Variants in FBXL5 observed in about 807,000 individuals in gnomAD.
The protein encoded by FBXL5 is F-box and leucine rich repeat protein 5.
Under a neutral mutation model 78.3 loss-of-function variants are expected in FBXL5, and 26 were observed. The ratio of observed to expected loss-of-function variants is 0.33; its 90% CI spans 0.24 to 0.46. The LOEUF (loss-of-function observed/expected upper bound fraction) is 0.46. Ranked by LOEUF, FBXL5 falls within the 20% of genes least tolerant of loss-of-function variation. The pLI is 1.00. For synonymous variants in FBXL5, 295 were observed against 282.5 expected, an observed-to-expected ratio of 1.04 and a Z score of -0.45; for missense variants, 710 against 829.2, an observed-to-expected ratio of 0.86 and a Z score of 1.77.
At chr4:15,655,183 G>A in intron 1 of FBXL5, 21 bp downstream of exon 1, 2 of 1,386,068 alleles carry the variant, frequency 1.4e-6, no homozygotes, top group South Asian at 1.4e-5. Context: ...GCCCACAGCG[G>A]GAGGCTCAGC....
At chr4:15,642,399 A>AT (rs1316215366) in intron 2 of FBXL5, among the ~76,000 whole-genome samples, 5 of 151,796 alleles carry the variant, frequency 3.3e-5, no homozygotes, top group African/African-American at 1.2e-4. Flanking sequence ...CTCCCAGCTA[A>AT]TTTTTTTGGT....
chr4:15,664,293 G>A (rs1717438393), upstream of FBXL5, among the ~76,000 whole-genome samples: 2 of 151,876 alleles, frequency 1.3e-5, no homozygotes, highest in Non-Finnish European at 2.9e-5. Flanking sequence ...TGAACTACTG[G>A]TTTCCCTGCT....
At chr4:15,666,924 T>G (rs1717571170) in intron 1 of FBXL5, among the ~76,000 whole-genome samples, 1 of 152,132 alleles carries the variant, frequency 6.6e-6, no homozygotes, top group Non-Finnish European at 1.5e-5. Context: ...TAGCTTGATG[T>G]AATCATTCCA....
chr4:15,676,165 C>T (rs960260858), intron 1 of FBXL5, among the ~76,000 whole-genome samples: 1 of 152,136 alleles, frequency 6.6e-6, no homozygotes, highest in Non-Finnish European at 1.5e-5. Context: ...CTCTATAATC[C>T]TTAATCCATA....
upstream of FBXL5, among the ~76,000 whole-genome samples, chr4:15,663,214 T>C (rs967491943): frequency 6.6e-6 from 1 of 152,224 alleles, no homozygotes; most frequent in African/African-American, 2.4e-5. Context: ...AGGGGTAATA[T>C]TATACATTGA....
At chr4:15,612,508 C>T in intron 9 of FBXL5, 94 bp from the exon 10 acceptor site, 2 of 1,162,544 alleles carry the variant, frequency 1.7e-6, no homozygotes, top group South Asian at 1.6e-5. Flanking sequence ...ACATACTTTT[C>T]AATATGGTAA....
upstream of FBXL5, among the ~76,000 whole-genome samples, chr4:15,663,697 A>AT (rs984542766): frequency 1.8e-4 from 27 of 151,828 alleles, no homozygotes; most frequent in East Asian, 4.8e-3. Flanking sequence ...CTGTCACATA[A>AT]TTTTTTTTTA....
At chr4:15,656,395 GA>G (rs1716951079), upstream of FBXL5, 1 of 426,410 alleles carries the variant, frequency 2.3e-6, no homozygotes, top group South Asian at 1.6e-5. Flanking sequence ...ACCTTGGGAG[GA>G]ATTGTTATTT....
At chr4:15,666,083 A>G (rs1436775047) in intron 1 of FBXL5, among the ~76,000 whole-genome samples, 1 of 151,954 alleles carries the variant, frequency 6.6e-6, no homozygotes, top group African/African-American at 2.4e-5. Context: ...TTTTAGGGTG[A>G]CTTGGCTTTT....
At chr4:15,609,191 C>T (rs112285090) in intron 10 of FBXL5, among the ~76,000 whole-genome samples, 8 of 151,920 alleles carry the variant, frequency 5.3e-5, no homozygotes, top group African/African-American at 1.9e-4. Context: ...ACTTCCATCT[C>T]GATGTAGGAC....
intron 9 of FBXL5, among the ~76,000 whole-genome samples, chr4:15,623,916 G>A (rs1023718853): frequency 7.3e-5 from 11 of 151,652 alleles, no homozygotes; most frequent in South Asian, 6.3e-4. Flanking sequence ...TCCGTCTCCC[G>A]GGTTCACACC....
At position 15,604,393 on chromosome 4, in the gene FBXL5, G is replaced by A. The variant is rs1721750728; in HGVS notation, c.*1330C>T. 6.6e-6 allele frequency: 1 copy of A among 152,192 alleles called. No individual in the cohort carries two copies. Among genetic ancestry groups the A allele is most frequent in the African/African-American group, 2.4e-5 (1 of 41,440 alleles). The allele number at this position is 152,192 out of a possible 1,614,324, so 9.4% of individuals were successfully genotyped here. On this transcript the variant is annotated 3_prime_UTR_variant, in exon 11 of 11. Coordinates refer to ENST00000341285, the MANE Select transcript of FBXL5 (RefSeq NM_012161.4). ...AACATACATAATATTTATCAATTAA[G>A]TTCTCTGTCTTATTAGGGCACAGTT... is the stretch of plus-strand genomic sequence containing the variant.
At chr4:15,614,559 C>T (rs73239182) in intron 9 of FBXL5, among the ~76,000 whole-genome samples, 1 of 152,052 alleles carries the variant, frequency 6.6e-6, no homozygotes, top group Admixed American at 6.5e-5. Flanking sequence ...TGGTCTTTGG[C>T]TACCAGGGTG....
intron 3 of FBXL5, among the ~76,000 whole-genome samples, chr4:15,640,215 A>C (rs1337231955): frequency 6.6e-6 from 1 of 151,758 alleles, no homozygotes; most frequent in East Asian, 1.9e-4. Context: ...TGATTTTTTT[A>C]ATTTTTAGCA....
intron 9 of FBXL5, among the ~76,000 whole-genome samples, chr4:15,615,417 CA>C (rs1711719007): frequency 7.0e-6 from 1 of 142,042 alleles, no homozygotes; most frequent in African/African-American, 2.6e-5. Context: ...ATGTCTAGCT[CA>C]GGGATTGTAA....
chr4:15,659,801 A>G, upstream of FBXL5: 1 of 896,070 alleles, frequency 1.1e-6, no homozygotes, highest in Non-Finnish European at 1.3e-6. Context: ...AGGCTCTATT[A>G]TGGGCTGACT....
chr4:15,675,464 T>A (rs1250910704), intron 1 of FBXL5, among the ~76,000 whole-genome samples: 1 of 151,898 alleles, frequency 6.6e-6, no homozygotes, highest in Admixed American at 6.6e-5. Flanking sequence ...CCCCTCTAAC[T>A]ATTACTTTCA....
At chr4:15,656,003 A>G (rs1716895910), upstream of FBXL5, among the ~76,000 whole-genome samples, 1 of 152,230 alleles carries the variant, frequency 6.6e-6, no homozygotes, top group African/African-American at 2.4e-5. Context: ...AGACCGCGAG[A>G]GAGAGTTCTC....
At chr4:15,670,712 A>G (rs991386877) in intron 1 of FBXL5, among the ~76,000 whole-genome samples, 1 of 23,592 alleles carries the variant, frequency 4.2e-5, no homozygotes, top group Non-Finnish European at 1.1e-4. Flanking sequence ...GAAAAAAGGA[A>G]AAAAAAAAAC....
Sources: gnomAD v4.1 joint callset for allele counts (sites outside exome capture counted in the v4.1 genomes callset) on GRCh38, gnomAD v4.1.1 for gene constraint, MANE v1.5 for transcripts, NCBI Gene and HGNC (gene_info 2026-07-23, HGNC 2026-07-21) for gene names.